The following CLDN10 variants were observed in gnomAD, a reference collection of about 807,000 sequenced individuals.
The protein encoded by CLDN10 is claudin 10, also known as claudin-10.
In CLDN10, 15 loss-of-function variants were observed where a neutral mutation model predicts 22.9. The ratio of observed to expected loss-of-function variants is 0.65; its 90% CI spans 0.44 to 1.01. The LOEUF is 1.01. CLDN10 is among the 50% of genes least tolerant of loss of function. The pLI, the probability that CLDN10 is intolerant of heterozygous loss-of-function variation, is 0.00. For synonymous variants in CLDN10, 114 were observed against 111.4 expected (o/e 1.02, Z -0.15); for missense variants, 247 against 287.8 (o/e 0.86, Z 1.03).
chr13:95,544,805 C>G (rs1201308878), intron 1 of CLDN10, among the ~76,000 whole-genome samples: 1 of 151,050 alleles, frequency 6.6e-6, no homozygotes, highest in Admixed American at 6.6e-5. Flanking sequence ...GAGATGGACT[C>G]TTGCTCTTCT....
At chr13:95,521,484 TG>T (rs1185389184) in intron 1 of CLDN10, among the ~76,000 whole-genome samples, 2 of 152,172 alleles carry the variant, frequency 1.3e-5, no homozygotes, top group African/African-American at 4.8e-5. Flanking sequence ...TGAATTACAT[TG>T]GTTGATTTTC....
intron 1 of CLDN10, among the ~76,000 whole-genome samples, chr13:95,507,316 A>C (rs564009329): frequency 1.3e-4 from 20 of 152,114 alleles, no homozygotes; most frequent in African/African-American, 4.6e-4. Context: ...ATATGGTATA[A>C]TGAGAAGCAT....
At chr13:95,520,924 C>T (rs1265468679) in intron 1 of CLDN10, among the ~76,000 whole-genome samples, 1 of 150,964 alleles carries the variant, frequency 6.6e-6, no homozygotes, top group African/African-American at 2.4e-5. Flanking sequence ...GAGATCACAC[C>T]AATGCACTCC....
Position 95,578,054 on chromosome 13 carries a change from A to G in CLDN10, c.*40A>G, listed in dbSNP as rs1303830587. On this transcript the variant is annotated 3_prime_UTR_variant, in exon 5 of 5. Transcript: ENST00000299339. ...AAGCTGCCTCTTGAGTTTGTTATAA[A>G]AGCGAACTGTTCACAAAATGATCCC... 8.3e-7 allele frequency: 1 copy of G among 1,207,150 alleles called. No individual in the cohort carries two copies. Among genetic ancestry groups the G allele is most frequent in the African/African-American group, 1.5e-5 (1 of 66,092 alleles). 74.8% of individuals were successfully genotyped at this position (1,207,150 alleles called of 1,614,324 possible). A position where few individuals can be genotyped will look rare whatever the true frequency, so the allele number is the denominator to read the frequency against.
intron 1 of CLDN10, among the ~76,000 whole-genome samples, chr13:95,462,979 A>G (rs1412022183): frequency 2.6e-5 from 4 of 152,096 alleles, no homozygotes; most frequent in Non-Finnish European, 5.9e-5. Flanking sequence ...AGTGGCTGTA[A>G]GCTGCTTGCC....
intron 1 of CLDN10, among the ~76,000 whole-genome samples, chr13:95,484,959 A>G (rs7982486): frequency 0.59 from 89,640 of 150,922 alleles, 27,854 homozygotes; most frequent in African/African-American, 0.79. Flanking sequence ...GTTTGCCTCC[A>G]CTTCACCCCA....
intron 1 of CLDN10, among the ~76,000 whole-genome samples, chr13:95,515,463 C>G (rs2043154086): frequency 6.6e-6 from 1 of 152,054 alleles, no homozygotes; most frequent in African/African-American, 2.4e-5. Flanking sequence ...GCCTTAATTA[C>G]TATTATTTTT....
At chr13:95,551,320 C>T (rs895983269), upstream of CLDN10, among the ~76,000 whole-genome samples, 3 of 152,160 alleles carry the variant, frequency 2.0e-5, no homozygotes, top group Non-Finnish European at 4.4e-5. Flanking sequence ...AGATACGTTG[C>T]CATGCACTGA....
chr13:95,560,070 G>A (rs2043685807), intron 1 of CLDN10, 62 bp from the exon 2 acceptor site: 2 of 1,439,722 alleles, frequency 1.4e-6, no homozygotes, highest in South Asian at 2.6e-5. Context: ...AACGTAAAAT[G>A]AGGATTTCTC....
chr13:95,457,581 G>A (rs375368002), intron 1 of CLDN10, among the ~76,000 whole-genome samples: 3 of 152,032 alleles, frequency 2.0e-5, no homozygotes, highest in South Asian at 2.1e-4. Flanking sequence ...TTTCCTACTC[G>A]AGTTTCAGAT....
chr13:95,533,214 C>CAA (rs5805939), intron 1 of CLDN10, among the ~76,000 whole-genome samples: 128 of 124,634 alleles, frequency 1.0e-3, no homozygotes, highest in African/African-American at 2.0e-3. Context: ...TTAAATATTC[C>CAA]AAAAAAAAAA....
rs191055595 is a variant in CLDN10, at chr13:95,443,654, G to A, written c.214+9607G>A. Among the ~76,000 whole-genome samples the A allele has an allele frequency of 2.0e-5, 3 of 152,330 alleles. No homozygotes were observed. The East Asian group carries it at 5.8e-4, about 29-fold the overall frequency. On this transcript the variant is annotated intron_variant, in intron 1 of 4. Transcript: ENST00000376873. ...TTGGCTCATTTTAATACTTTCAGCA[G>A]GCTTTGGAGTGTAGGAGCCCCAAGT...
At chr13:95,521,483 T>C (rs898215862) in intron 1 of CLDN10, among the ~76,000 whole-genome samples, 12 of 152,174 alleles carry the variant, frequency 7.9e-5, no homozygotes, top group African/African-American at 2.4e-4. Flanking sequence ...ATGAATTACA[T>C]TGGTTGATTT....
At chr13:95,504,457 A>G (rs1271719404) in intron 1 of CLDN10, among the ~76,000 whole-genome samples, 1 of 152,008 alleles carries the variant, frequency 6.6e-6, no homozygotes, top group Non-Finnish European at 1.5e-5. Context: ...TCAGCTCACT[A>G]CAACCTCCAC....
chr13:95,447,945 T>C (rs2042396419), intron 1 of CLDN10, among the ~76,000 whole-genome samples: 1 of 152,130 alleles, frequency 6.6e-6, no homozygotes. Flanking sequence ...GGGGTGCAGC[T>C]ATGCCGCCTC....
At chr13:95,474,815 G>C (rs573435565) in intron 1 of CLDN10, among the ~76,000 whole-genome samples, 1 of 152,268 alleles carries the variant, frequency 6.6e-6, no homozygotes, top group Non-Finnish European at 1.5e-5. Context: ...GCTCATTCCA[G>C]GGGGTAGGGT....
chr13:95,495,266 A>G (rs2042916445), intron 1 of CLDN10, among the ~76,000 whole-genome samples: 4 of 151,666 alleles, frequency 2.6e-5, no homozygotes, highest in Non-Finnish European at 5.9e-5. Flanking sequence ...CGAAGTCCTG[A>G]CCTCAAGTGA....
chr13:95,491,695 C>A (rs2042873337), intron 1 of CLDN10, among the ~76,000 whole-genome samples: 1 of 151,956 alleles, frequency 6.6e-6, no homozygotes, highest in South Asian at 2.1e-4. Flanking sequence ...GGTTTGGATC[C>A]ATTGCTGGTG....
intron 1 of CLDN10, among the ~76,000 whole-genome samples, chr13:95,465,602 C>T (rs906194326): frequency 2.0e-5 from 3 of 152,150 alleles, no homozygotes; most frequent in Non-Finnish European, 2.9e-5. Flanking sequence ...ACCATGCCAG[C>T]GGCAAAGGAG....
Sources: allele counts gnomAD v4.1 joint callset (sites outside exome capture counted in the v4.1 genomes callset), GRCh38; gene constraint gnomAD v4.1.1; transcripts MANE v1.5; gene names NCBI Gene and HGNC (gene_info 2026-07-23, HGNC 2026-07-21).